SYK: variants seen among roughly 807,000 people sequenced by gnomAD.
SYK encodes the protein spleen associated tyrosine kinase.
A neutral mutation model predicts 77.8 loss-of-function variants in SYK; 16 were observed. The ratio of observed to expected loss-of-function variants is 0.21; its 90% confidence interval spans 0.14 to 0.31. The LOEUF is 0.31. Among genes scored for constraint, SYK ranks in the 10% least tolerant of loss-of-function variants. The probability of loss-of-function intolerance (pLI) is 1.00; values close to 1 mark genes in which losing one functional copy is unlikely to be tolerated. For synonymous variants in SYK, 312 were observed against 308.7 expected (o/e 1.01, Z -0.11); for missense variants, 529 against 814.4 (o/e 0.65, Z 4.26).
In SYK at chr9:90,843,907, C is replaced by T. The variant is rs1233984148; in HGVS notation, c.9C>T (p.Ser3=). ...CCTCCGGCCCCTGAAGCATGGCCAG[C>T]AGCGGCATGGCTGACAGCGCCAACC... MA[S]SGMADSANHL... The change falls in exon 2 of 14, where the codon AGC becomes AGT. Residue 3 remains serine (S), a synonymous_variant. Coordinates refer to ENST00000375754, the MANE Select transcript of SYK (RefSeq NM_003177.7). The T allele has an allele frequency of 6.5e-7, 1 of 1,534,474 alleles. No individual in the cohort carries two copies. Among genetic ancestry groups the T allele is most frequent in the Non-Finnish European group, 8.8e-7 (1 of 1,139,250 alleles).
chr9:90,803,710 T>C (rs1038421940), intron 1 of SYK, among the ~76,000 whole-genome samples: 1 of 152,154 alleles, frequency 6.6e-6, no homozygotes, highest in Non-Finnish European at 1.5e-5. Flanking sequence ...AATATGCTTG[T>C]GCCAAGACGT....
intron 11 of SYK, 43 bp from the exon 12 acceptor site, chr9:90,887,706 A>G: frequency 6.4e-7 from 1 of 1,564,092 alleles, no homozygotes; most frequent in Non-Finnish European, 8.7e-7. Context: ...CCCGGCCCAC[A>G]ATTTTATTCT....
At chr9:90,854,015 G>A (rs1826923712) in intron 3 of SYK, among the ~76,000 whole-genome samples, 1 of 152,266 alleles carries the variant, frequency 6.6e-6, no homozygotes, top group Non-Finnish European at 1.5e-5. Flanking sequence ...TGCCGAGTGG[G>A]TGTGCAGGAG....
In SYK at chr9:90,880,030, C is replaced by T. The variant is rs77826022; in HGVS notation, c.1581+1077C>T. Among the ~76,000 whole-genome samples the T allele has an allele frequency of 3.3e-5, 5 of 152,292 alleles. No homozygotes were observed. In the East Asian group the frequency reaches 9.6e-4, roughly 29 times the overall value. ...AATCCCACTGAGTCAAAGAGGGTGC[C>T]GAAGGCAGGTTAACAACCCTGCTAG... On this transcript the variant is annotated intron_variant, in intron 11 of 13. Coordinates refer to ENST00000375754, the MANE Select transcript of SYK (RefSeq NM_003177.7).
Position 90,877,634 on chromosome 9 carries a change from T to C in SYK, c.1245T>C (p.Asp415=), listed in dbSNP as rs749758586. ...KNEANDPALK[D]ELLAEANVMQ... Reference sequence around the variant, plus strand: ...AGGCCAATGACCCCGCTCTTAAAGATGAGTTATTAGCAGAAGCAAATGTCA... The same window carrying C: ...AGGCCAATGACCCCGCTCTTAAAGACGAGTTATTAGCAGAAGCAAATGTCA... Residue 415 remains aspartate (D), a synonymous_variant, in exon 10 of 14, where the codon GAT becomes GAC. Coordinates refer to ENST00000375754, the MANE Select transcript of SYK (RefSeq NM_003177.7). 2.5e-6 allele frequency: 4 copies of C among 1,614,110 alleles called. No individual in the cohort carries two copies. The highest frequency in any genetic ancestry group is 2.2e-5 in the East Asian group (1 of 44,900).
At chr9:90,880,913 C>T (rs1317116112) in intron 11 of SYK, among the ~76,000 whole-genome samples, 1 of 152,246 alleles carries the variant, frequency 6.6e-6, no homozygotes, top group African/African-American at 2.4e-5. Flanking sequence ...CTGCACATGG[C>T]CTCTCCTTGG....
rs371908826 is a variant in SYK, at chr9:90,844,069, C to T, written c.171C>T (p.His57=). 3.1e-6 allele frequency: 5 copies of T among 1,611,882 alleles called. No individual in the cohort carries two copies. Among genetic ancestry groups the T allele is most frequent in the African/African-American group, 1.3e-5 (1 of 75,012 alleles). ...YLGGFALSVA[H]GRKAHHYTIE... ...GTGGCTTCGCCCTGTCCGTGGCCCA[C>T]GGGAGGAAGGCACACCACTACACCA... is the stretch of plus-strand genomic sequence containing the variant. Residue 57 remains histidine (H), a synonymous_variant, in exon 2 of 14, where the codon CAC becomes CAT. Coordinates refer to ENST00000375754, the MANE Select transcript of SYK (RefSeq NM_003177.7).
chr9:90,889,531 G>A (rs1177615949), intron 13 of SYK, among the ~76,000 whole-genome samples: 1 of 152,254 alleles, frequency 6.6e-6, no homozygotes, highest in African/African-American at 2.4e-5. Flanking sequence ...CTGGGATTCC[G>A]AGACCTCCCC....
chr9:90,807,265 A>T (rs1389235655), intron 1 of SYK, among the ~76,000 whole-genome samples: 2 of 152,088 alleles, frequency 1.3e-5, no homozygotes, highest in Non-Finnish European at 2.9e-5. Context: ...CTCCTTACCA[A>T]GCTCCTTAGG....
At chr9:90,802,481 T>G (rs1826768713) in intron 1 of SYK, among the ~76,000 whole-genome samples, 1 of 152,206 alleles carries the variant, frequency 6.6e-6, no homozygotes, top group African/African-American at 2.4e-5. Flanking sequence ...TACATTTTCA[T>G]TGTCAAGTAA....
At chr9:90,801,722 G>A (rs993927665), upstream of SYK, 1 of 152,220 alleles carries the variant, frequency 6.6e-6, no homozygotes, top group Admixed American at 6.5e-5. Context: ...CCAGGGCGGC[G>A]GGGCGCGACA....
chr9:90,875,959 G>A (rs994152544), intron 9 of SYK, among the ~76,000 whole-genome samples: 1 of 152,092 alleles, frequency 6.6e-6, no homozygotes. Flanking sequence ...ATGATTCAAG[G>A]GTTAAAAATA....
At chr9:90,890,152 G>A (rs576809318) in intron 13 of SYK, among the ~76,000 whole-genome samples, 3 of 152,322 alleles carry the variant, frequency 2.0e-5, no homozygotes, top group Admixed American at 6.5e-5. Flanking sequence ...TAACAGTGAG[G>A]AGTGAAAGGT....
intron 1 of SYK, among the ~76,000 whole-genome samples, chr9:90,825,101 A>G (rs974800935): frequency 3.3e-5 from 5 of 150,450 alleles, no homozygotes; most frequent in Non-Finnish European, 7.4e-5. Context: ...ATTACCATGT[A>G]TAATAGCACC....
At chr9:90,803,941 TAAATA>T (rs1824716593) in intron 1 of SYK, among the ~76,000 whole-genome samples, 4 of 151,556 alleles carry the variant, frequency 2.6e-5, no homozygotes, top group Non-Finnish European at 5.9e-5. Context: ...CTAAGTGGAA[TAAATA>T]AAGACTATAA....
At chr9:90,861,563 G>GGGAC (rs1827265555) in intron 3 of SYK, among the ~76,000 whole-genome samples, 1 of 116,484 alleles carries the variant, frequency 8.6e-6, no homozygotes, top group Non-Finnish European at 1.9e-5. Context: ...GAGAGTGGAA[G>GGGAC]TCCAGCCCTG....
chr9:90,842,953 G>A (rs1826432374), intron 1 of SYK, among the ~76,000 whole-genome samples: 1 of 152,142 alleles, frequency 6.6e-6, no homozygotes, highest in Non-Finnish European at 1.5e-5. Flanking sequence ...CCATGATTGA[G>A]AGGGAATACT....
At chr9:90,851,075 T>C (rs1159098572) in intron 3 of SYK, among the ~76,000 whole-genome samples, 1 of 152,162 alleles carries the variant, frequency 6.6e-6, no homozygotes, top group East Asian at 1.9e-4. Context: ...ACTTATTGTT[T>C]TTCAAACAAG....
chr9:90,807,114 T>C (rs1364256946), intron 1 of SYK, among the ~76,000 whole-genome samples: 1 of 152,218 alleles, frequency 6.6e-6, no homozygotes, highest in East Asian at 1.9e-4. Flanking sequence ...GCAGGTAACA[T>C]GCACAGAGAT....
Sources: allele counts gnomAD v4.1 joint callset (sites outside exome capture counted in the v4.1 genomes callset), GRCh38; gene constraint gnomAD v4.1.1; transcripts MANE v1.5; gene names NCBI Gene and HGNC (gene_info 2026-07-23, HGNC 2026-07-21).